Variants in DNAH1 observed in about 807,000 individuals in gnomAD.
DNAH1 encodes the protein axonemal beta dynein heavy chain 1.
DNAH1 carries 327 observed loss-of-function variants against 484.3 expected under a neutral mutation model. The observed-to-expected ratio is 0.68, with a 90% CI of 0.62 to 0.74. The LOEUF is 0.74. Ranked by LOEUF, DNAH1 falls within the 30% of genes least tolerant of loss-of-function variation. The pLI, the probability that DNAH1 is intolerant of heterozygous loss-of-function variation, is 0.00. For synonymous variants in DNAH1, 2,192 were observed against 2,191.9 expected (o/e 1.00, Z 0.00); for missense variants, 5,052 against 5,546.8 (o/e 0.91, Z 2.83).
upstream of DNAH1, among the ~76,000 whole-genome samples, chr3:52,311,421 G>A (rs78537850): frequency 0.012 from 1,796 of 152,274 alleles, 16 homozygotes; most frequent in South Asian, 0.034. Flanking sequence ...GGGGTCATCT[G>A]CAGTTGCAGT....
chr3:52,328,001 C>G lies in DNAH1; in HGVS notation c.858C>G (p.Asp286Glu). 6.2e-7 allele frequency: 1 copy of G among 1,613,848 alleles called. No homozygotes were observed. The highest frequency in any genetic ancestry group is 1.7e-5 in the Admixed American group (1 of 60,020). ...VPGKALLPTD[D>E]FLGHEDPKSQ... Reference sequence around the variant, plus strand: ...GAAAAGCCCTCTTGCCCACTGATGACTTCCTGGGGCATGGTGAGCAAGGCC... The same window carrying G: ...GAAAAGCCCTCTTGCCCACTGATGAGTTCCTGGGGCATGGTGAGCAAGGCC... Residue 286 changes from aspartate to glutamate, a missense_variant, in exon 6 of 78, where the codon GAC becomes GAG. By Grantham distance (45) the Asp-to-Glu change is conservative (BLOSUM62 2). Around this residue, in one of 4 missense-constraint regions of DNAH1, gnomAD observed 1,263 missense variants for 1,218.8 expected, o/e 1.04. Coordinates refer to ENST00000420323, the MANE Select transcript of DNAH1 (RefSeq NM_015512.5).
rs1250873805 is a variant in DNAH1 at position 52,392,677 on chromosome 3, T to C, written c.10266T>C (p.Ala3422=). Residue 3422 remains alanine (A), a synonymous_variant, in exon 64 of 78, where the codon GCT becomes GCC. Coordinates refer to ENST00000420323, the MANE Select transcript of DNAH1 (RefSeq NM_015512.5). Reference sequence around the variant, plus strand: ...TGCTGGAAGCCTCCAAGATGAAGGCTGCTGAGATCCAGGTCAGCTGCTGCC... The same window carrying C: ...TGCTGGAAGCCTCCAAGATGAAGGCCGCTGAGATCCAGGTCAGCTGCTGCC... The part of the protein sequence containing the change: ...IKVLEASKMK[A]AEIQAKVRIA... 1 of 1,601,216 alleles carries C rather than the reference T, an allele frequency of 6.2e-7. No individual in the cohort carries two copies. The highest frequency in any genetic ancestry group is 8.5e-7 in the Non-Finnish European group (1 of 1,173,896).
chr3:52,397,626 G>A, intron 73 of DNAH1, 81 bp from the exon 74 acceptor site: 1 of 1,304,988 alleles, frequency 7.7e-7, no homozygotes, highest in Non-Finnish European at 1.1e-6. Flanking sequence ...TGACAAGTGG[G>A]GATGTGCTCC....
chr3:52,348,917 T>G lies in DNAH1; in HGVS notation c.2136T>G (p.Gly712=). 1 of 1,613,290 alleles carries G rather than the reference T, an allele frequency of 6.2e-7. No individual in the cohort carries two copies. Among genetic ancestry groups the G allele is most frequent in the Non-Finnish European group, 8.5e-7 (1 of 1,179,872 alleles). ...KLVMEDIFIS[G]DPLLESVGLH... is the part of the protein sequence containing the mutation. ...TGATGGAGGACATCTTCATCAGCGG[T>G]GACCCCCTGCTGGAGTCCGTGGGCC... Residue 712 remains glycine, a synonymous_variant, in exon 13 of 78, where the codon GGT becomes GGG. Coordinates refer to ENST00000420323, the MANE Select transcript of DNAH1 (RefSeq NM_015512.5).
intron 3 of DNAH1, among the ~76,000 whole-genome samples, chr3:52,324,736 G>A (rs1701273142): frequency 6.6e-6 from 1 of 152,196 alleles, no homozygotes. Context: ...CCCAGAAAAT[G>A]GTTACTAACC....
intron 34 of DNAH1, among the ~76,000 whole-genome samples, chr3:52,365,459 C>T (rs1342044987): frequency 6.6e-6 from 1 of 152,222 alleles, no homozygotes; most frequent in African/African-American, 2.4e-5. Flanking sequence ...TGAGTGACAC[C>T]CCTGGCGTCA....
At chr3:52,325,955 T>C (rs1243078523) in intron 3 of DNAH1, among the ~76,000 whole-genome samples, 185 bp from the exon 4 acceptor site, 1 of 152,150 alleles carries the variant, frequency 6.6e-6, no homozygotes, top group East Asian at 1.9e-4. Flanking sequence ...CCCTCCAGGC[T>C]CATAGCCCCA....
chr3:52,352,746 G>T, intron 18 of DNAH1, 39 bp downstream of exon 18: 1 of 1,587,674 alleles, frequency 6.3e-7, no homozygotes, highest in Non-Finnish European at 8.6e-7. Flanking sequence ...ATGCCCCCAG[G>T]CTTGAGGAAG....
chr3:52,352,180 ACTT>A, intron 17 of DNAH1, 77 bp downstream of exon 17: 2 of 1,517,998 alleles, frequency 1.3e-6, no homozygotes, highest in Non-Finnish European at 1.8e-6. Flanking sequence ...GCCTGGCCTC[ACTT>A]CTTGCATTCA....
At position 52,351,872 on chromosome 3, in the gene DNAH1, G is replaced by A. The variant is rs1702396643; in HGVS notation, c.2730-90G>A. ...CTGAACCCCTTCTCACTGGCTGCCT[G>A]GGTGCCTGGTGGGATGCCCCTGCCT... On this transcript the variant is annotated intron_variant, in intron 16 of 77. Transcript: ENST00000420323. The A allele has an allele frequency of 6.8e-6, 10 of 1,469,954 alleles. No individual in the cohort carries two copies. In the Admixed American group the frequency reaches 2.0e-4, roughly 29 times the overall value. 91.1% of individuals were successfully genotyped at this position (1,469,954 alleles called of 1,614,324 possible).
At chr3:52,325,968 A>C (rs1428928487) in intron 3 of DNAH1, among the ~76,000 whole-genome samples, 172 bp from the exon 4 acceptor site, 1 of 152,148 alleles carries the variant, frequency 6.6e-6, no homozygotes, top group African/African-American at 2.4e-5. Flanking sequence ...TAGCCCCAGG[A>C]CACCTGGTGC....
At chr3:52,377,681 C>A (rs1377094307) in intron 46 of DNAH1, among the ~76,000 whole-genome samples, 1 of 152,068 alleles carries the variant, frequency 6.6e-6, no homozygotes, top group East Asian at 1.9e-4. Flanking sequence ...CAGGCCTTTG[C>A]CCTTGCTGTC....
Position 52,394,927 on chromosome 3 carries a change from T to G in DNAH1, c.10836T>G (p.Pro3612=). The G allele has an allele frequency of 6.2e-7, 1 of 1,613,532 alleles. No individual in the cohort carries two copies. Among genetic ancestry groups the G allele is most frequent in the Non-Finnish European group, 8.5e-7 (1 of 1,179,730 alleles). Reference sequence around the variant, plus strand: ...GCCACTGTTGCAGGGAGCCTTTGCCTGGCATCTGGGACCAGTACCTAGACC... The same window carrying G: ...GCCACTGTTGCAGGGAGCCTTTGCCGGGCATCTGGGACCAGTACCTAGACC... ...DSLEPHREPL[P]GIWDQYLDQF... Residue 3612 remains proline (P), a synonymous_variant, in exon 68 of 78, where the codon CCT becomes CCG. Transcript: ENST00000420323.
intron 25 of DNAH1, 84 bp from the exon 26 acceptor site, chr3:52,359,162 G>A (rs762418350): frequency 1.3e-5 from 19 of 1,515,744 alleles, no homozygotes; most frequent in Non-Finnish European, 1.5e-5. Context: ...AAAGGCCAGA[G>A]CACAGACAGC....
Position 52,344,078 on chromosome 3 carries a change from A to T in DNAH1, c.1287-412A>T, listed in dbSNP as rs1425140020. On this transcript the variant is annotated intron_variant, in intron 8 of 77. Transcript: ENST00000420323. ...GGCGCTGCCATGATTGCCCAGTGAAAGCAAAGGAGCTCAGTGGCAGGCATC... is the reference window on the plus strand; with the variant it reads ...GGCGCTGCCATGATTGCCCAGTGAATGCAAAGGAGCTCAGTGGCAGGCATC... 3.3e-5 allele frequency among the ~76,000 whole-genome samples: 5 copies of T among 152,202 alleles called. No individual in the cohort carries two copies. The East Asian group carries it at 9.6e-4, about 29-fold the overall frequency.
Position 52,353,379 on chromosome 3 carries a change from G to C in DNAH1, c.3227-1G>C. 1.2e-6 allele frequency: 2 copies of C among 1,609,254 alleles called. No individual in the cohort carries two copies. Among genetic ancestry groups the C allele is most frequent in the Non-Finnish European group, 1.7e-6 (2 of 1,176,374 alleles). ...TCATGCGTTTCTGTCTTACCCGGCA[G>C]CCTGCCAGGAAGTGGCCTTGGACAT... is the stretch of plus-strand genomic sequence containing the variant. On this transcript the variant is annotated splice_acceptor_variant, in intron 19 of 77. Transcript: ENST00000420323. LOFTEE classifies it high-confidence loss of function. This position sits in a 1 kb window ranked among gnomAD's most constrained non-coding sequence, Gnocchi z 5.0.
In DNAH1 at chr3:52,358,722, C is replaced by T; in HGVS notation, c.4251C>T (p.Ile1417=). 1.2e-6 allele frequency: 2 copies of T among 1,612,686 alleles called. No homozygotes were observed. The highest frequency in any genetic ancestry group is 1.7e-6 in the Non-Finnish European group (2 of 1,179,712). Residue 1417 remains isoleucine, a synonymous_variant, in exon 25 of 78, where the codon ATC becomes ATT. Transcript: ENST00000420323. This position sits in a 1 kb window ranked among gnomAD's most constrained non-coding sequence, Gnocchi z 4.2. The part of the protein sequence containing the change: ...ASVHDIIEKA[I]RAYPTMPRTQ... ...TGCACGACATCATTGAGAAGGCCAT[C>T]AGGGCCTACCCCACGGTGAGCCGCC...
At chr3:52,374,968 G>T in intron 44 of DNAH1, 1 of 216,976 alleles carries the variant, frequency 4.6e-6, no homozygotes. Context: ...TCACCATGGG[G>T]GCGGGGGGTG....
intron 41 of DNAH1, 62 bp downstream of exon 41, chr3:52,370,887 G>A (rs1295171243): frequency 6.7e-6 from 10 of 1,498,742 alleles, no homozygotes; most frequent in African/African-American, 4.2e-5. Context: ...TGCTGTTCCC[G>A]CAATGAATTA....
Sources: allele counts gnomAD v4.1 joint callset (sites outside exome capture counted in the v4.1 genomes callset), GRCh38; gene constraint gnomAD v4.1.1; regional missense constraint gnomAD v4.1.1; non-coding constraint Gnocchi (gnomAD v3.1); transcripts MANE v1.5; gene names NCBI Gene and HGNC (gene_info 2026-07-23, HGNC 2026-07-21).